Variants in TMEM163 observed in about 807,000 individuals in gnomAD.
The protein encoded by TMEM163 is transmembrane protein 163.
In TMEM163, 17 loss-of-function variants were observed where a neutral mutation model predicts 29.3. The ratio of observed to expected loss-of-function variants is 0.58; its 90% CI spans 0.40 to 0.87. The LOEUF (loss-of-function observed/expected upper bound fraction) is 0.87. Ranked by LOEUF, TMEM163 falls within the 40% of genes least tolerant of loss-of-function variation. The pLI is 0.00. For missense variants in TMEM163, 303 were observed against 381.5 expected, an observed-to-expected ratio of 0.79 and a Z score of 1.71; for synonymous variants, 157 against 160.6, an observed-to-expected ratio of 0.98 and a Z score of 0.17.
At chr2:134,693,608 C>CAAAAA (rs35183610) in intron 2 of TMEM163, among the ~76,000 whole-genome samples, 1 of 66,628 alleles carries the variant, frequency 1.5e-5, no homozygotes, top group African/African-American at 3.7e-5. Flanking sequence ...AAAACTACAT[C>CAAAAA]AAAAAAAAAA....
intron 2 of TMEM163, among the ~76,000 whole-genome samples, chr2:134,553,275 C>A (rs897360773): frequency 1.3e-5 from 2 of 152,162 alleles, no homozygotes; most frequent in African/African-American, 4.8e-5. Context: ...ATCACAATAT[C>A]CCTTCTCTAG....
intron 2 of TMEM163, among the ~76,000 whole-genome samples, chr2:134,685,324 A>C (rs976782217): frequency 1.3e-5 from 2 of 152,220 alleles, no homozygotes; most frequent in African/African-American, 4.8e-5. Context: ...AGTCATCATA[A>C]TATCCTAATA....
At chr2:134,707,442 C>A (rs966489866) in intron 2 of TMEM163, among the ~76,000 whole-genome samples, 2 of 152,156 alleles carry the variant, frequency 1.3e-5, no homozygotes, top group African/African-American at 4.8e-5. Context: ...GGACTGTGCA[C>A]CTTTGGTCTC....
chr2:134,624,443 A>T (rs954307033), intron 2 of TMEM163, among the ~76,000 whole-genome samples: 11 of 152,144 alleles, frequency 7.2e-5, no homozygotes, highest in Admixed American at 6.6e-4. Flanking sequence ...GGAACGACAC[A>T]CACTGGGATC....
rs558494222 is a variant in TMEM163 at position 134,541,197 on chromosome 2, C to T, written c.458+9373G>A. On this transcript the variant is annotated intron_variant, in intron 4 of 7. Transcript: ENST00000281924. ...GAAATAAAAGGCTTTTCATTCCCATCTGAAATCCTGGCAACCCATTTCCCA... is the reference window on the plus strand; with the variant it reads ...GAAATAAAAGGCTTTTCATTCCCATTTGAAATCCTGGCAACCCATTTCCCA... 1.3e-4 allele frequency among the ~76,000 whole-genome samples: 20 copies of T among 152,346 alleles called. No individual in the cohort carries two copies. The East Asian group carries it at 2.7e-3, about 21-fold the overall frequency.
intron 2 of TMEM163, among the ~76,000 whole-genome samples, chr2:134,688,738 T>A (rs763040107): frequency 3.9e-5 from 6 of 152,188 alleles, no homozygotes; most frequent in African/African-American, 7.2e-5. Context: ...CCTGTTCTAA[T>A]GTCTTATAAT....
intron 2 of TMEM163, among the ~76,000 whole-genome samples, chr2:134,630,904 C>T (rs1439674305): frequency 6.6e-6 from 1 of 151,520 alleles, no homozygotes; most frequent in Non-Finnish European, 1.5e-5. Context: ...GCAGATTAAA[C>T]AAAAAACCAC....
intron 2 of TMEM163, among the ~76,000 whole-genome samples, chr2:134,692,921 T>A (rs1022986609): frequency 1.4e-4 from 22 of 152,162 alleles, no homozygotes; most frequent in Admixed American, 1.3e-3. Context: ...ATTGCCTCAG[T>A]CATTGCCCTA....
rs762145816 is a variant in TMEM163, at chr2:134,718,379, C to G, written c.202+355G>C. ...CTGGGTCCCTCCGAGCTGAGTAGGG[C>G]CCGGAGTGGCCCAGAAGCGCTCGAC... On this transcript the variant is annotated intron_variant, in intron 1 of 7. Coordinates refer to ENST00000281924, the MANE Select transcript of TMEM163 (RefSeq NM_030923.5). 5.6e-4 allele frequency among the ~76,000 whole-genome samples: 85 copies of G among 152,224 alleles called. 1 individual carries two copies. Among genetic ancestry groups the G allele is most frequent in the Non-Finnish European group, 9.6e-4 (65 of 68,036 alleles).
At chr2:134,718,589 A>G (rs1685090766) in intron 1 of TMEM163, 145 bp downstream of exon 1, 1 of 499,914 alleles carries the variant, frequency 2.0e-6, no homozygotes, top group Non-Finnish European at 2.7e-6. Flanking sequence ...GCTCTCGGCT[A>G]GCGGCGTTCT....
chr2:134,544,538 A>G (rs1285246671), intron 4 of TMEM163, among the ~76,000 whole-genome samples: 1 of 152,168 alleles, frequency 6.6e-6, no homozygotes, highest in East Asian at 1.9e-4. Flanking sequence ...TCGTGCCTGT[A>G]ATCCCAACAC....
chr2:134,568,439 A>T (rs1166287393), intron 2 of TMEM163, among the ~76,000 whole-genome samples: 2 of 152,094 alleles, frequency 1.3e-5, no homozygotes, highest in Non-Finnish European at 2.9e-5. Context: ...AGACAGGAGG[A>T]TTGCTTGAAC....
At chr2:134,507,336 CTAAATAAA>C (rs111595849) in intron 4 of TMEM163, among the ~76,000 whole-genome samples, 192 of 149,056 alleles carry the variant, frequency 1.3e-3, no homozygotes, top group Middle Eastern at 3.4e-3. Context: ...AACTCTACCT[CTAAATAAA>C]TAAATAAATA....
At chr2:134,580,982 C>T (rs1004755498) in intron 2 of TMEM163, among the ~76,000 whole-genome samples, 3 of 152,130 alleles carry the variant, frequency 2.0e-5, no homozygotes, top group Non-Finnish European at 2.9e-5. Flanking sequence ...CCAATCTCTC[C>T]AGGCGGGGCT....
intron 2 of TMEM163, among the ~76,000 whole-genome samples, chr2:134,670,242 G>T (rs150541076): frequency 4.0e-5 from 6 of 150,786 alleles, no homozygotes; most frequent in African/African-American, 1.5e-4. Context: ...AGAGTAAATG[G>T]CACCTTTAAA....
chr2:134,702,934 T>C (rs1012011324), intron 2 of TMEM163, among the ~76,000 whole-genome samples: 2 of 152,198 alleles, frequency 1.3e-5, no homozygotes, highest in Non-Finnish European at 2.9e-5. Context: ...AGGACTTTCA[T>C]AGCCACACTA....
intron 4 of TMEM163, among the ~76,000 whole-genome samples, chr2:134,511,143 G>A (rs556753666): frequency 1.6e-4 from 17 of 109,254 alleles, no homozygotes; most frequent in African/African-American, 6.4e-4. Context: ...GAAAAAAGGG[G>A]AGAACAAGGC....
At chr2:134,652,002 G>T (rs1683491261) in intron 2 of TMEM163, among the ~76,000 whole-genome samples, 1 of 132,260 alleles carries the variant, frequency 7.6e-6, no homozygotes, top group Non-Finnish European at 1.6e-5. Flanking sequence ...TTGTTCTTTT[G>T]GCTTAGGATT....
chr2:134,465,189 TA>T (rs1181405890), intron 6 of TMEM163, among the ~76,000 whole-genome samples: 136 of 117,632 alleles, frequency 1.2e-3, no homozygotes, highest in Admixed American at 2.2e-3. Context: ...TCCGCATCTT[TA>T]AAAAAAAAAA....
Sources: gnomAD v4.1 joint callset for allele counts (sites outside exome capture counted in the v4.1 genomes callset) on GRCh38, gnomAD v4.1.1 for gene constraint, MANE v1.5 for transcripts, NCBI Gene and HGNC (gene_info 2026-07-23, HGNC 2026-07-21) for gene names.